The following DNAH11 variants were observed in gnomAD, a reference collection of about 807,000 sequenced individuals.
DNAH11 encodes the protein dynein axonemal heavy chain 11.
A neutral mutation model predicts 526.0 loss-of-function variants in DNAH11; 442 were observed. The observed-to-expected ratio is 0.84, with a 90% CI of 0.78 to 0.91. DNAH11 has a LOEUF of 0.91. Among genes scored for constraint, DNAH11 ranks in the 40% least tolerant of loss-of-function variants. The pLI is 0.00. For synonymous variants in DNAH11, 2,461 were observed against 1,935.9 expected, an observed-to-expected ratio of 1.27 and a Z score of -7.12; for missense variants, 6,989 against 5,448.7, an observed-to-expected ratio of 1.28 and a Z score of -8.90.
In DNAH11 at chr7:21,561,013, T is replaced by G. The variant is rs1783436497; in HGVS notation, c.883-58T>G. On this transcript the variant is annotated intron_variant, in intron 4 of 81. Coordinates refer to ENST00000409508, the MANE Select transcript of DNAH11 (RefSeq NM_001277115.2). ...TTTAAATATTTTATTACAGAATGCA[T>G]GTATTTAGTAATCGAGTTTATATTT... 3.5e-6 allele frequency: 4 copies of G among 1,141,960 alleles called. No individual in the cohort carries two copies. In the South Asian group the frequency reaches 5.6e-5, roughly 16 times the overall value. 70.7% of individuals were successfully genotyped at this position (1,141,960 alleles called of 1,614,324 possible). A position where few individuals can be genotyped will look rare whatever the true frequency, so the allele number is the denominator to read the frequency against.
At chr7:21,835,983 A>G (rs761572789) in intron 65 of DNAH11, among the ~76,000 whole-genome samples, 8 of 152,056 alleles carry the variant, frequency 5.3e-5, no homozygotes, top group Non-Finnish European at 1.2e-4. Flanking sequence ...TGAAAATTCA[A>G]GAAAGCAATT....
chr7:21,870,801 G>C (rs113880259), intron 73 of DNAH11, among the ~76,000 whole-genome samples: 3,844 of 152,220 alleles, frequency 0.025, 165 homozygotes, highest in African/African-American at 0.086. Flanking sequence ...GATTTTTGTT[G>C]TTAGAGCTAT....
intron 65 of DNAH11, among the ~76,000 whole-genome samples, chr7:21,833,039 C>G (rs1298545420): frequency 6.6e-6 from 1 of 152,212 alleles, no homozygotes; most frequent in Non-Finnish European, 1.5e-5. Flanking sequence ...ACACAAATCT[C>G]TAAATTAACC....
intron 77 of DNAH11, among the ~76,000 whole-genome samples, chr7:21,894,306 C>T (rs4624929): frequency 0.43 from 65,773 of 152,112 alleles, 14,973 homozygotes; most frequent in East Asian, 0.52. Flanking sequence ...TAACATGTAG[C>T]TGATGACAGT....
chr7:21,711,898 T>G, intron 42 of DNAH11, 38 bp downstream of exon 42: 5 of 1,564,352 alleles, frequency 3.2e-6, no homozygotes, highest in Non-Finnish European at 4.3e-6. Context: ...GTAAATTGTA[T>G]GTAACATAAC....
At chr7:21,789,759 TTCTC>T (rs756133643) in intron 61 of DNAH11, among the ~76,000 whole-genome samples, 2 of 136,448 alleles carry the variant, frequency 1.5e-5, no homozygotes, top group African/African-American at 5.4e-5. Context: ...AAGCATTTCT[TTCTC>T]TCTTTCTTTC....
chr7:21,641,289 G>C (rs1787118433), intron 28 of DNAH11, among the ~76,000 whole-genome samples: 2 of 152,140 alleles, frequency 1.3e-5, no homozygotes, highest in African/African-American at 2.4e-5. Flanking sequence ...CCCAAAAAAG[G>C]CGGGGGAGAT....
rs57544315 is a variant in DNAH11 at position 21,657,344 on chromosome 7, G to A, written c.5094+1363G>A. The stretch of plus-strand genomic sequence containing the variant: ...AGCTCTTAGGCCCATTGAGAAAATG[G>A]ATATGCACATAATAATGGAGGTAGC... On this transcript the variant is annotated intron_variant, in intron 29 of 81. Coordinates refer to ENST00000409508, the MANE Select transcript of DNAH11 (RefSeq NM_001277115.2). Among the ~76,000 whole-genome samples, 1,438 of 152,230 alleles carry A rather than the reference G, an allele frequency of 9.4e-3. 18 individuals are homozygous for A. Among genetic ancestry groups the A allele is most frequent in the African/African-American group, 0.033 (1,363 of 41,532 alleles).
chr7:21,696,482 A>T (rs1043474050), intron 35 of DNAH11, among the ~76,000 whole-genome samples: 1 of 152,184 alleles, frequency 6.6e-6, no homozygotes, highest in South Asian at 2.1e-4. Context: ...AAAATTCTAG[A>T]TAGAGAATAA....
intron 55 of DNAH11, 32 bp downstream of exon 55, chr7:21,765,621 C>CACAG: frequency 1.5e-6 from 1 of 684,832 alleles, no homozygotes; most frequent in Non-Finnish European, 1.8e-6. Flanking sequence ...CACACACACA[C>CACAG]ACACACACAC....
chr7:21,821,906 T>G (rs568355802), intron 65 of DNAH11, among the ~76,000 whole-genome samples: 1 of 152,070 alleles, frequency 6.6e-6, no homozygotes, highest in African/African-American at 2.4e-5. Context: ...TTCTCCTCTT[T>G]GCCTCCATGA....
chr7:21,869,109 G>A (rs1783401500), intron 73 of DNAH11, 118 bp downstream of exon 73: 1 of 1,425,100 alleles, frequency 7.0e-7, no homozygotes, highest in African/African-American at 1.4e-5. Context: ...TTTGCAGAGT[G>A]CAAGCAGTAC....
intron 65 of DNAH11, among the ~76,000 whole-genome samples, chr7:21,836,794 G>A (rs1782012983): frequency 6.6e-6 from 1 of 152,104 alleles, no homozygotes; most frequent in Non-Finnish European, 1.5e-5. Flanking sequence ...ATAACCAACA[G>A]AGTAAAGAGA....
At chr7:21,623,094 T>G (rs1176719017) in intron 25 of DNAH11, among the ~76,000 whole-genome samples, 2 of 151,538 alleles carry the variant, frequency 1.3e-5, no homozygotes, top group Non-Finnish European at 3.0e-5. Flanking sequence ...ATATCCAGAA[T>G]CTACAATGAA....
chr7:21,748,883 C>T, intron 52 of DNAH11, 141 bp downstream of exon 52: 1 of 767,182 alleles, frequency 1.3e-6, no homozygotes, highest in Non-Finnish European at 1.9e-6. Flanking sequence ...CTCTTTAAAG[C>T]AGTAATTGAC....
At chr7:21,568,942 A>G (rs1783775578) in intron 6 of DNAH11, among the ~76,000 whole-genome samples, 1 of 152,184 alleles carries the variant, frequency 6.6e-6, no homozygotes, top group Admixed American at 6.5e-5. Context: ...GGTTCTCTTC[A>G]CTGCCCTGAA....
Position 21,895,796 on chromosome 7 carries a change from C to G in DNAH11, c.13049+797C>G, listed in dbSNP as rs186713581. The stretch of plus-strand genomic sequence containing the variant: ...CCAGGCTGGAGTGCAGTGGCGCGAT[C>G]TCGGCTCACTGCAAGCTCTGCCTGC... On this transcript the variant is annotated intron_variant, in intron 79 of 81. Transcript: ENST00000409508. 1.6e-3 allele frequency among the ~76,000 whole-genome samples: 246 copies of G among 152,284 alleles called. No homozygotes were observed. The East Asian group carries it at 0.022, about 13-fold the overall frequency.
intron 41 of DNAH11, among the ~76,000 whole-genome samples, chr7:21,711,422 G>C (rs955363945): frequency 9.9e-5 from 15 of 152,090 alleles, no homozygotes; most frequent in African/African-American, 2.9e-4. Flanking sequence ...ATGGTATTCA[G>C]GTCCTTTCAT....
At chr7:21,882,791 T>C (rs1482670051) in intron 75 of DNAH11, among the ~76,000 whole-genome samples, 2 of 152,134 alleles carry the variant, frequency 1.3e-5, no homozygotes, top group South Asian at 4.1e-4. Context: ...AGTAAAACTC[T>C]GTCTCAAAAA....
Sources: allele counts gnomAD v4.1 joint callset (sites outside exome capture counted in the v4.1 genomes callset), GRCh38; gene constraint gnomAD v4.1.1; transcripts MANE v1.5; gene names NCBI Gene and HGNC (gene_info 2026-07-23, HGNC 2026-07-21).